The following CCDC7 variants were observed in gnomAD, a reference collection of about 807,000 sequenced individuals.
The protein encoded by CCDC7 is coiled-coil domain-containing protein 7.
Under a neutral mutation model 196.9 loss-of-function variants are expected in CCDC7, and 183 were observed. The observed-to-expected ratio is 0.93, with a 90% CI of 0.82 to 1.05. CCDC7 has a LOEUF of 1.05. Among genes scored for constraint, CCDC7 ranks in the 50% least tolerant of loss-of-function variants. CCDC7 has a pLI of 0.00. For synonymous variants in CCDC7, 525 were observed against 484.6 expected (o/e 1.08, Z -1.10); for missense variants, 1,540 against 1,482.2 (o/e 1.04, Z -0.64).
chr10:32,501,885 TC>T (rs1440658167), intron 9 of CCDC7, among the ~76,000 whole-genome samples: 1 of 152,182 alleles, frequency 6.6e-6, no homozygotes, highest in Non-Finnish European at 1.5e-5. Context: ...GGAGAACTGC[TC>T]CTCTCTTCGG....
intron 28 of CCDC7, among the ~76,000 whole-genome samples, chr10:32,746,512 G>T (rs961620445): frequency 1.3e-5 from 2 of 152,182 alleles, no homozygotes; most frequent in African/African-American, 4.8e-5. Flanking sequence ...GCTTCTCTAG[G>T]TGGCTTTGAC....
chr10:32,669,262 ATTC>A (rs1251159489), intron 21 of CCDC7, among the ~76,000 whole-genome samples: 2 of 152,066 alleles, frequency 1.3e-5, no homozygotes, highest in African/African-American at 4.8e-5. Context: ...ATCATGGTGA[ATTC>A]TTCTTTGAAT....
At chr10:32,562,810 A>G (rs2055991893) in intron 13 of CCDC7, among the ~76,000 whole-genome samples, 1 of 152,126 alleles carries the variant, frequency 6.6e-6, no homozygotes, top group African/African-American at 2.4e-5. Flanking sequence ...GCAATTAGGC[A>G]GGAGAAGGAA....
At chr10:32,512,547 G>A (rs1215703084) in intron 9 of CCDC7, 5 of 152,140 alleles carry the variant, frequency 3.3e-5, no homozygotes, top group Non-Finnish European at 7.4e-5. Context: ...GACAGATTCT[G>A]AATTCACATC....
At chr10:32,709,367 G>A (rs1040560883) in intron 24 of CCDC7, among the ~76,000 whole-genome samples, 5 of 151,756 alleles carry the variant, frequency 3.3e-5, no homozygotes, top group Non-Finnish European at 2.9e-5. Context: ...TATACCTAAT[G>A]TAAATGACAA....
chr10:32,723,644 G>A (rs1592062851), intron 25 of CCDC7, among the ~76,000 whole-genome samples: 2 of 151,708 alleles, frequency 1.3e-5, no homozygotes, highest in South Asian at 4.2e-4. Flanking sequence ...TCCTCTTTAG[G>A]CAAAGTGGCT....
At chr10:32,640,020 G>T (rs1451833765) in intron 20 of CCDC7, among the ~76,000 whole-genome samples, 1 of 152,208 alleles carries the variant, frequency 6.6e-6, no homozygotes. Context: ...ATATTCTGTT[G>T]ATTTGGGGTG....
intron 30 of CCDC7, among the ~76,000 whole-genome samples, chr10:32,813,462 A>G (rs904994956): frequency 2.0e-5 from 3 of 152,188 alleles, no homozygotes; most frequent in African/African-American, 7.2e-5. Context: ...TTTTACAAAT[A>G]TCTTGTAATG....
chr10:32,730,246 A>G (rs2083732874), intron 28 of CCDC7, among the ~76,000 whole-genome samples: 2 of 151,930 alleles, frequency 1.3e-5, no homozygotes. Context: ...AGAACATGTG[A>G]TGTTTGGTAT....
intron 25 of CCDC7, among the ~76,000 whole-genome samples, chr10:32,725,098 A>G (rs774299432): frequency 2.6e-5 from 4 of 152,094 alleles, no homozygotes; most frequent in South Asian, 4.1e-4. Context: ...GCATGTGTAC[A>G]TGAATACACA....
chr10:32,653,814 A>G lies in CCDC7; in HGVS notation c.2015-10240A>G, dbSNP rs1253252727. ...ATGATACATGTATGTGTGGATTTCT[A>G]TGAGTTTATTTTTGAATTTATGGAA... On this transcript the variant is annotated intron_variant, in intron 20 of 41. Transcript: ENST00000639629. Among the ~76,000 whole-genome samples the G allele has an allele frequency of 3.3e-5, 5 of 152,286 alleles. No homozygotes were observed. In the East Asian group the frequency reaches 7.7e-4, roughly 24 times the overall value.
chr10:32,598,007 G>A (rs2060590876), intron 18 of CCDC7, among the ~76,000 whole-genome samples: 1 of 152,164 alleles, frequency 6.6e-6, no homozygotes, highest in Non-Finnish European at 1.5e-5. Flanking sequence ...CTCCATGCTG[G>A]GAGAACCGCT....
intron 22 of CCDC7, among the ~76,000 whole-genome samples, chr10:32,687,442 A>G (rs1442723600): frequency 6.6e-6 from 1 of 152,226 alleles, no homozygotes; most frequent in East Asian, 1.9e-4. Context: ...ATCTATATCA[A>G]TAATATATTC....
Position 32,854,399 on chromosome 10 carries a change from G to A in CCDC7, c.4022-1G>A. On this transcript the variant is annotated splice_acceptor_variant, in intron 40 of 41. Transcript: ENST00000639629. LOFTEE classifies it high-confidence loss of function. ...TAATAACACTGTTCTCATTTTTTTA[G>A]GGCATTCGAAAGTTGTTACCTTAAG... The A allele has an allele frequency of 6.4e-7, 1 of 1,567,996 alleles. No individual in the cohort carries two copies. Among genetic ancestry groups the A allele is most frequent in the South Asian group, 1.1e-5 (1 of 87,946 alleles).
intron 16 of CCDC7, among the ~76,000 whole-genome samples, chr10:32,580,455 A>G (rs971911234): frequency 6.6e-6 from 1 of 152,122 alleles, no homozygotes; most frequent in Non-Finnish European, 1.5e-5. Context: ...GAATATTTTG[A>G]TCAACATTAA....
intron 41 of CCDC7, among the ~76,000 whole-genome samples, chr10:32,856,884 C>G (rs2136374268): frequency 6.6e-6 from 1 of 152,212 alleles, no homozygotes; most frequent in Admixed American, 6.5e-5. Context: ...AGTACTTGGC[C>G]TTGTGGGAGA....
chr10:32,817,921 T>A (rs2089164486), intron 31 of CCDC7, among the ~76,000 whole-genome samples: 1 of 152,142 alleles, frequency 6.6e-6, no homozygotes, highest in Admixed American at 6.5e-5. Context: ...AGGAAGAAAC[T>A]GCATCAACTA....
chr10:32,649,210 T>C (rs1233984726), intron 20 of CCDC7, among the ~76,000 whole-genome samples: 11 of 152,192 alleles, frequency 7.2e-5, no homozygotes, highest in Admixed American at 7.2e-4. Context: ...GATTCTGGGC[T>C]TAATACCTGG....
rs571545808 is a variant in CCDC7, at chr10:32,858,207, T to C, written c.4111+3718T>C. Among the ~76,000 whole-genome samples, 20 of 152,304 alleles carry C rather than the reference T, an allele frequency of 1.3e-4. No homozygotes were observed. In the East Asian group the frequency reaches 2.9e-3, roughly 22 times the overall value. ...GCTTCACACCTTCACATTTGAATAC[T>C]ACGAAACATTCACAGAAGAATTATC... On this transcript the variant is annotated intron_variant, in intron 41 of 41. Coordinates refer to ENST00000639629, the Ensembl canonical transcript of CCDC7.
Sources: allele counts gnomAD v4.1 joint callset (sites outside exome capture counted in the v4.1 genomes callset), GRCh38; gene constraint gnomAD v4.1.1; transcripts MANE v1.5; gene names NCBI Gene and HGNC (gene_info 2026-07-23, HGNC 2026-07-21).